AP3B1: variants seen among roughly 807,000 people sequenced by gnomAD.
AP3B1 encodes AP-3 complex subunit beta-1.
AP3B1 carries 61 observed loss-of-function variants against 132.5 expected under a neutral mutation model. The observed-to-expected ratio is 0.46, with a 90% CI of 0.37 to 0.57. The LOEUF is 0.57. Among genes scored for constraint, AP3B1 ranks in the 20% least tolerant of loss-of-function variants. The pLI, the probability that AP3B1 is intolerant of heterozygous loss-of-function variation, is 0.00. For missense variants in AP3B1, 1,120 were observed against 1,289.4 expected, an observed-to-expected ratio of 0.87 and a Z score of 2.01; for synonymous variants, 388 against 438.3, an observed-to-expected ratio of 0.89 and a Z score of 1.43.
At chr5:78,130,702 A>G (rs1561428431) in intron 15 of AP3B1, among the ~76,000 whole-genome samples, 1 of 152,074 alleles carries the variant, frequency 6.6e-6, no homozygotes, top group Non-Finnish European at 1.5e-5. Flanking sequence ...GTGGTACACT[A>G]AACCATGTAA....
rs1466601526 is a variant in AP3B1 at position 78,002,864 on chromosome 5, T to C, written c.*38A>G. 9 of 1,613,310 alleles carry C rather than the reference T, an allele frequency of 5.6e-6. No homozygotes were observed. Among genetic ancestry groups the C allele is most frequent in the Admixed American group, 1.7e-5 (1 of 60,028 alleles). Reference sequence around the variant, plus strand: ...AGCAGTAGTGGATGCCAGGCACTTTTGTTGTGTGCCAGATTCTAAAGTCCA... The same window carrying C: ...AGCAGTAGTGGATGCCAGGCACTTTCGTTGTGTGCCAGATTCTAAAGTCCA... On this transcript the variant is annotated 3_prime_UTR_variant, in exon 27 of 27. Coordinates refer to ENST00000255194, the MANE Select transcript of AP3B1 (RefSeq NM_003664.5).
At chr5:78,111,259 T>C (rs1368672137) in intron 19 of AP3B1, among the ~76,000 whole-genome samples, 5 of 152,148 alleles carry the variant, frequency 3.3e-5, no homozygotes, top group Non-Finnish European at 5.9e-5. Flanking sequence ...ATATAAACTT[T>C]TAAAATATCA....
At chr5:78,246,777 T>G (rs992470180) in intron 2 of AP3B1, among the ~76,000 whole-genome samples, 1 of 152,196 alleles carries the variant, frequency 6.6e-6, no homozygotes, top group African/African-American at 2.4e-5. Context: ...TAGTTTTTCA[T>G]TTCACTGATT....
chr5:78,038,610 G>A (rs1747908199), intron 23 of AP3B1, among the ~76,000 whole-genome samples: 1 of 152,202 alleles, frequency 6.6e-6, no homozygotes. Context: ...ATTGAAAAGT[G>A]AAGGGAAACA....
chr5:78,020,745 C>G lies in AP3B1; in HGVS notation c.2939G>C (p.Gly980Ala). ...CATGGCCACAGGTAAAAGCAGTTCT[C>G]CAACAGGTGGCTGAATATTAACATT... Reference protein sequence around the residue: ...CFNVNIQPPVGELLLPVAMSE... With the variant: ...CFNVNIQPPVAELLLPVAMSE... Residue 980 changes from glycine (G) to alanine (A), a missense_variant, in exon 25 of 27, where the codon GGA becomes GCA. Around this residue, in one of 3 missense-constraint regions of AP3B1, gnomAD observed 906 missense variants for 997.1 expected, o/e 0.91. Transcript: ENST00000255194. The G allele has an allele frequency of 6.2e-7, 1 of 1,612,702 alleles. No homozygotes were observed. The highest frequency in any genetic ancestry group is 8.5e-7 in the Non-Finnish European group (1 of 1,179,270).
At chr5:78,215,592 A>C (rs975076781) in intron 7 of AP3B1, among the ~76,000 whole-genome samples, 2 of 152,266 alleles carry the variant, frequency 1.3e-5, no homozygotes, top group Admixed American at 6.5e-5. Flanking sequence ...AAGTAGTTTA[A>C]AAGTTCAACA....
At chr5:78,191,568 GC>G (rs1744836900) in intron 7 of AP3B1, among the ~76,000 whole-genome samples, 1 of 152,010 alleles carries the variant, frequency 6.6e-6, no homozygotes. Flanking sequence ...TCAGATAAAA[GC>G]CCAGCTTAAA....
intron 21 of AP3B1, among the ~76,000 whole-genome samples, chr5:78,093,395 A>T (rs1278173099): frequency 1.3e-5 from 2 of 152,192 alleles, no homozygotes; most frequent in Non-Finnish European, 2.9e-5. Flanking sequence ...GCAAGTGATA[A>T]AACAGTTTCT....
At chr5:78,025,077 T>C (rs909827032) in intron 24 of AP3B1, among the ~76,000 whole-genome samples, 2 of 152,150 alleles carry the variant, frequency 1.3e-5, no homozygotes, top group African/African-American at 4.8e-5. Context: ...TACACACACA[T>C]ATATAATTAC....
intron 17 of AP3B1, among the ~76,000 whole-genome samples, chr5:78,119,798 T>G (rs1752075121): frequency 6.6e-6 from 1 of 152,118 alleles, no homozygotes; most frequent in South Asian, 2.1e-4. Flanking sequence ...TTCCCCAATC[T>G]AGCAAGAAAG....
intron 2 of AP3B1, among the ~76,000 whole-genome samples, chr5:78,255,281 G>A (rs573397794): frequency 4.2e-4 from 64 of 151,844 alleles, no homozygotes; most frequent in Non-Finnish European, 7.9e-4. Flanking sequence ...GACTAAACTC[G>A]CCAATCAGAA....
chr5:78,071,378 G>T (rs537924730), intron 22 of AP3B1, among the ~76,000 whole-genome samples: 1 of 152,096 alleles, frequency 6.6e-6, no homozygotes, highest in Non-Finnish European at 1.5e-5. Context: ...TGGACACAGG[G>T]AATGGAACAA....
intron 22 of AP3B1, among the ~76,000 whole-genome samples, chr5:78,045,769 T>C (rs911940836): frequency 6.6e-6 from 1 of 152,140 alleles, no homozygotes; most frequent in Admixed American, 6.5e-5. Context: ...CAAAAAAAGA[T>C]AAAACATAAT....
At chr5:78,198,506 G>A (rs1366938523) in intron 7 of AP3B1, among the ~76,000 whole-genome samples, 2 of 152,140 alleles carry the variant, frequency 1.3e-5, no homozygotes, top group African/African-American at 4.8e-5. Flanking sequence ...AAGCTTCTTA[G>A]AAGGGCACTA....
rs1229904606 is a variant in AP3B1 at position 78,129,240 on chromosome 5, C to T, written c.1718G>A (p.Arg573His). The change falls in exon 16 of 27, where the codon CGT becomes CAT. Residue 573 changes from arginine (R) to histidine (H), a missense_variant. This residue lies in a region of AP3B1 where 906 missense variants were observed against 997.1 expected (regional missense o/e 0.91). Transcript: ENST00000255194. ...AATAAGCTGCCTAATAAATCTTGTACGGTCTCTGATGTCGTAGTTTTGATC... is the reference window on the plus strand; with the variant it reads ...AATAAGCTGCCTAATAAATCTTGTATGGTCTCTGATGTCGTAGTTTTGATC... Reference protein sequence around the residue: ...KYDQNYDIRDRTRFIRQLIVP... With the variant: ...KYDQNYDIRDHTRFIRQLIVP... The T allele has an allele frequency of 6.8e-6, 11 of 1,613,134 alleles. No homozygotes were observed. Among genetic ancestry groups the T allele is most frequent in the Admixed American group, 3.3e-5 (2 of 59,966 alleles).
At chr5:78,038,506 A>T (rs1381646281) in intron 23 of AP3B1, among the ~76,000 whole-genome samples, 1 of 152,212 alleles carries the variant, frequency 6.6e-6, no homozygotes, top group East Asian at 1.9e-4. Context: ...AACTTTATGA[A>T]TTTGTGTTAG....
At chr5:78,040,902 C>T (rs897151602) in intron 22 of AP3B1, among the ~76,000 whole-genome samples, 1 of 152,162 alleles carries the variant, frequency 6.6e-6, no homozygotes, top group Non-Finnish European at 1.5e-5. Context: ...CAAAATGCTA[C>T]ATCATGCCTT....
intron 2 of AP3B1, among the ~76,000 whole-genome samples, chr5:78,265,436 C>T (rs979832539): frequency 6.6e-6 from 1 of 151,936 alleles, no homozygotes; most frequent in Non-Finnish European, 1.5e-5. Flanking sequence ...GAGCAAGACC[C>T]TGTCTCTAAA....
At chr5:78,190,478 T>C (rs1028949411) in intron 7 of AP3B1, among the ~76,000 whole-genome samples, 1 of 152,202 alleles carries the variant, frequency 6.6e-6, no homozygotes, top group Non-Finnish European at 1.5e-5. Context: ...CATATTTGAA[T>C]CTGTACTACT....
Sources: allele counts gnomAD v4.1 joint callset (sites outside exome capture counted in the v4.1 genomes callset), GRCh38; gene constraint gnomAD v4.1.1; regional missense constraint gnomAD v4.1.1; transcripts MANE v1.5; gene names NCBI Gene and HGNC (gene_info 2026-07-23, HGNC 2026-07-21).